The following FBXL19 variants were observed in gnomAD, a reference collection of about 807,000 sequenced individuals.
FBXL19 encodes F-box and leucine rich repeat protein 19.
A neutral mutation model predicts 71.2 loss-of-function variants in FBXL19; 16 were observed. That is an observed-to-expected ratio of 0.22 (90% CI 0.15 to 0.34). The LOEUF (loss-of-function observed/expected upper bound fraction) is 0.34, where lower values mean the gene tolerates loss of function less well. Among genes scored for constraint, FBXL19 ranks in the 10% least tolerant of loss-of-function variants. FBXL19 has a pLI of 1.00. For synonymous variants in FBXL19, 447 were observed against 409.4 expected, an observed-to-expected ratio of 1.09 and a Z score of -1.11; for missense variants, 658 against 968.2, an observed-to-expected ratio of 0.68 and a Z score of 4.25.
Position 30,942,067 on chromosome 16 carries a change from T to TGCTGAGA in FBXL19, c.1302-42_1302-36dup, listed in dbSNP as rs2055808074. On this transcript the variant is annotated intron_variant, in intron 7 of 10. Transcript: ENST00000338343. This position sits in a 1 kb window ranked among gnomAD's most constrained non-coding sequence, Gnocchi z 5.7. ...GCTGGGGAGCCTGGGAACTGTGGGC[T>TGCTGAGA]GCTGAGAGCTGAGGGCTGAGGTCTC... The TGCTGAGA allele has an allele frequency of 2.0e-6, 3 of 1,476,130 alleles. No individual in the cohort carries two copies. The highest frequency in any genetic ancestry group is 2.5e-5 in the Admixed American group (1 of 40,506). 91.4% of individuals were successfully genotyped at this position (1,476,130 alleles called of 1,614,324 possible). A position where few individuals can be genotyped will look rare whatever the true frequency, so the allele number is the denominator to read the frequency against.
chr16:30,941,976 A>T, intron 7 of FBXL19, 140 bp from the exon 8 acceptor site: 1 of 887,838 alleles, frequency 1.1e-6, no homozygotes, highest in African/African-American at 1.7e-5. Context: ...CTCTTGGCTG[A>T]GGTCAGGTGC....
At position 30,942,888 on chromosome 16, in the gene FBXL19, C is replaced by G. The variant is rs959938738; in HGVS notation, c.1627+352C>G. On this transcript the variant is annotated intron_variant, in intron 9 of 10. Transcript: ENST00000338343. This position sits in a 1 kb window ranked among gnomAD's most constrained non-coding sequence, Gnocchi z 5.7. ...GGCCTGGGTATAAATGCCACTTCCTCCAAGAAGCTCTCCCTGATCCCACCC... is the reference window on the plus strand; with the variant it reads ...GGCCTGGGTATAAATGCCACTTCCTGCAAGAAGCTCTCCCTGATCCCACCC... Among the ~76,000 whole-genome samples, 6 of 152,198 alleles carry G rather than the reference C, an allele frequency of 3.9e-5. No individual in the cohort carries two copies. The highest frequency in any genetic ancestry group is 1.4e-4 in the African/African-American group (6 of 41,442).
Position 30,930,404 on chromosome 16 carries a change from C to T in FBXL19, c.1121C>T (p.Pro374Leu). The T allele has an allele frequency of 6.5e-7, 1 of 1,529,136 alleles. No homozygotes were observed. Among genetic ancestry groups the T allele is most frequent in the Non-Finnish European group, 8.7e-7 (1 of 1,143,122 alleles). The allele number at this position is 1,529,136 out of a possible 1,614,324, so 94.7% of individuals were successfully genotyped here. Residue 374 changes from proline (P) to leucine (L), a missense_variant, in exon 7 of 11, where the codon CCT becomes CTT. This residue lies in a region of FBXL19 where 447 missense variants were observed against 515.4 expected (regional missense o/e 0.87). Coordinates refer to ENST00000338343, the MANE Select transcript of FBXL19 (RefSeq NM_001382779.1). This position sits in a 1 kb window ranked among gnomAD's most constrained non-coding sequence, Gnocchi z 8.5. ...CTGGGCCCAGCCCCACCACCCCGGC[C>T]TCCACAGCTGGAGCGGCACGTGGTG... Reference protein sequence around the residue: ...WPLGPAPPPRPPQLERHVVRP... With the variant: ...WPLGPAPPPRLPQLERHVVRP...
chr16:30,941,919 A>G (rs1258254729), intron 7 of FBXL19, among the ~76,000 whole-genome samples, 197 bp from the exon 8 acceptor site: 1 of 152,196 alleles, frequency 6.6e-6, no homozygotes, highest in Non-Finnish European at 1.5e-5. Flanking sequence ...AGACTTGCCC[A>G]GGGTCTCATT....
chr16:30,941,830 G>A (rs2055805218), intron 7 of FBXL19, among the ~76,000 whole-genome samples: 1 of 152,252 alleles, frequency 6.6e-6, no homozygotes, highest in South Asian at 2.1e-4. Flanking sequence ...TGACCTGACA[G>A]CTGCCCTGTG....
intron 7 of FBXL19, among the ~76,000 whole-genome samples, chr16:30,936,357 A>G (rs2055732244): frequency 6.6e-6 from 1 of 151,676 alleles, no homozygotes; most frequent in East Asian, 1.9e-4. Flanking sequence ...CAGACGGGCT[A>G]GGTGGAACCC....
chr16:30,928,616 C>G lies in FBXL19; in HGVS notation c.777C>G (p.Pro259=). The change falls in exon 6 of 11, where the codon CCC becomes CCG. Residue 259 remains proline, a synonymous_variant. Coordinates refer to ENST00000338343, the MANE Select transcript of FBXL19 (RefSeq NM_001382779.1). ...CATCCTGCCACCCTGGGCTCCCTCC[C>G]GAGAACTGGGAGGTGTGCCGGGGAC... ...AFSSCHPGLP[P]ENWEKPKPPL... The G allele has an allele frequency of 1.3e-6, 2 of 1,587,194 alleles. No homozygotes were observed. The highest frequency in any genetic ancestry group is 8.6e-7 in the Non-Finnish European group (1 of 1,167,874).
rs769371795 is a variant in FBXL19, at chr16:30,925,978, C to G, written c.177+47C>G. 2 of 1,437,106 alleles carry G rather than the reference C, an allele frequency of 1.4e-6. No individual in the cohort carries two copies. Among genetic ancestry groups the G allele is most frequent in the South Asian group, 1.5e-5 (1 of 65,058 alleles). 89.0% of individuals were successfully genotyped at this position (1,437,106 alleles called of 1,614,324 possible). A position where few individuals can be genotyped will look rare whatever the true frequency, so the allele number is the denominator to read the frequency against. The stretch of plus-strand genomic sequence containing the variant: ...GGGCTCTGCCCACCCTTCCCAATAC[C>G]TTCTTGGAATGGCTGGTGACTGCCT... On this transcript the variant is annotated intron_variant, in intron 2 of 10. Coordinates refer to ENST00000338343, the MANE Select transcript of FBXL19 (RefSeq NM_001382779.1). The surrounding 1 kb of genome is among the most constrained non-coding windows in gnomAD (Gnocchi z 5.0).
chr16:30,947,813 C>A lies in FBXL19; in HGVS notation c.*583C>A. On this transcript the variant is annotated 3_prime_UTR_variant, in exon 11 of 11. Coordinates refer to ENST00000338343, the MANE Select transcript of FBXL19 (RefSeq NM_001382779.1). Reference sequence around the variant, plus strand: ...GCAGGTGTGGGGACAGCAATACCCCCTTGGGGGTCACCTCTCTGCTTCCCC... The same window carrying A: ...GCAGGTGTGGGGACAGCAATACCCCATTGGGGGTCACCTCTCTGCTTCCCC... The A allele has an allele frequency of 2.2e-6, 1 of 445,028 alleles. No homozygotes were observed. Among genetic ancestry groups the A allele is most frequent in the Admixed American group, 2.5e-5 (1 of 40,678 alleles). The allele number at this position is 445,028 out of a possible 1,614,324, so 27.6% of individuals were successfully genotyped here.
Position 30,928,612 on chromosome 16 carries a change from C to A in FBXL19, c.773C>A (p.Pro258His). 6.3e-7 allele frequency: 1 copy of A among 1,588,238 alleles called. No individual in the cohort carries two copies. The highest frequency in any genetic ancestry group is 8.6e-7 in the Non-Finnish European group (1 of 1,168,436). The change falls in exon 6 of 11, where the codon CCT becomes CAT. Residue 258 changes from proline (P) to histidine (H), a missense_variant. Coordinates refer to ENST00000338343, the MANE Select transcript of FBXL19 (RefSeq NM_001382779.1). Reference protein sequence around the residue: ...QAFSSCHPGLPPENWEKPKPP... With the variant: ...QAFSSCHPGLHPENWEKPKPP... ...TTCTCATCCTGCCACCCTGGGCTCC[C>A]TCCCGAGAACTGGGAGGTGTGCCGG...
intron 4 of FBXL19, 39 bp downstream of exon 4, chr16:30,927,698 G>A (rs1464065846): frequency 6.4e-7 from 1 of 1,558,182 alleles, no homozygotes; most frequent in Non-Finnish European, 8.7e-7. Context: ...GTAGGTGGGT[G>A]TTGGGGAGCT....
rs2055560200 is a variant in FBXL19, at chr16:30,924,083, CG to C, written c.-397del. On this transcript the variant is annotated 5_prime_UTR_variant, in exon 1 of 11. Coordinates refer to ENST00000338343, the MANE Select transcript of FBXL19 (RefSeq NM_001382779.1). ...AAGGGCCAGGGGCGCTGGGGAGAGG[CG>C]GGGCGGGGTGGGGGGAGGGGAGCTG... The C allele has an allele frequency of 4.7e-5, 1 of 21,312 alleles. No homozygotes were observed. The highest frequency in any genetic ancestry group is 1.8e-4 in the African/African-American group (1 of 5,506). 1.3% of individuals were successfully genotyped at this position (21,312 alleles called of 1,614,324 possible).
chr16:30,925,687 G>A lies in FBXL19; in HGVS notation c.-24-44G>A. 6.9e-7 allele frequency: 1 copy of A among 1,459,376 alleles called. No homozygotes were observed. Among genetic ancestry groups the A allele is most frequent in the Non-Finnish European group, 9.0e-7 (1 of 1,114,912 alleles). 90.4% of individuals were successfully genotyped at this position (1,459,376 alleles called of 1,614,324 possible). A position where few individuals can be genotyped will look rare whatever the true frequency, so the allele number is the denominator to read the frequency against. On this transcript the variant is annotated intron_variant, in intron 1 of 10. Transcript: ENST00000338343. The surrounding 1 kb of genome is among the most constrained non-coding windows in gnomAD (Gnocchi z 5.0). Reference sequence around the variant, plus strand: ...GACCTGTCAGGGGTCTCCCAGGCCAGGGCCCCAGTGGGCCCATCTGACCCT... The same window carrying A: ...GACCTGTCAGGGGTCTCCCAGGCCAAGGCCCCAGTGGGCCCATCTGACCCT...
Position 30,930,157 on chromosome 16 carries a change from C to T in FBXL19, c.874C>T (p.Arg292Trp), listed in dbSNP as rs987106518. The change falls in exon 7 of 11, where the codon CGG becomes TGG. Residue 292 changes from arginine to tryptophan, a missense_variant. Around this residue, in one of 8 missense-constraint regions of FBXL19, gnomAD observed 447 missense variants for 515.4 expected, o/e 0.87. Transcript: ENST00000338343. The surrounding 1 kb of genome is among the most constrained non-coding windows in gnomAD (Gnocchi z 8.5). Reference protein sequence around the residue: ...PQREKLERFKRMCQLLERVPD... With the variant: ...PQREKLERFKWMCQLLERVPD... ...GAGGGAGAAGCTAGAGCGTTTCAAG[C>T]GGATGTGCCAGCTGCTGGAACGGGT... The T allele has an allele frequency of 2.5e-6, 4 of 1,613,350 alleles. No homozygotes were observed. The highest frequency in any genetic ancestry group is 2.7e-5 in the African/African-American group (2 of 74,954).
rs2055855955 is a variant in FBXL19 at position 30,946,094 on chromosome 16, C to T, written c.1628-636C>T. ...AAGTATCGTGCCTGCGTCTGCTCAGCTTCTGGGGAAGCCTCACGTAGCTTT... is the reference window on the plus strand; with the variant it reads ...AAGTATCGTGCCTGCGTCTGCTCAGTTTCTGGGGAAGCCTCACGTAGCTTT... On this transcript the variant is annotated intron_variant, in intron 9 of 10. Coordinates refer to ENST00000338343, the MANE Select transcript of FBXL19 (RefSeq NM_001382779.1). This position sits in a 1 kb window ranked among gnomAD's most constrained non-coding sequence, Gnocchi z 6.7. Among the ~76,000 whole-genome samples, 1 of 152,126 alleles carries T rather than the reference C, an allele frequency of 6.6e-6. No individual in the cohort carries two copies. Among genetic ancestry groups the T allele is most frequent in the South Asian group, 2.1e-4 (1 of 4,822 alleles).
chr16:30,935,444 G>A (rs530881189), intron 7 of FBXL19, among the ~76,000 whole-genome samples: 2 of 151,720 alleles, frequency 1.3e-5, no homozygotes, highest in African/African-American at 2.4e-5. Flanking sequence ...CCTTAAGAGT[G>A]AAGAGTGAAG....
chr16:30,939,831 T>C (rs1318336523), intron 7 of FBXL19, among the ~76,000 whole-genome samples: 8 of 152,082 alleles, frequency 5.3e-5, no homozygotes, highest in Admixed American at 5.2e-4. Context: ...CCAGGGCTTC[T>C]ACAAGGAAAA....
Position 30,930,045 on chromosome 16 carries a change from G to A in FBXL19, c.790-28G>A, listed in dbSNP as rs1184437686. 3 of 1,598,250 alleles carry A rather than the reference G, an allele frequency of 1.9e-6. No individual in the cohort carries two copies. Among genetic ancestry groups the A allele is most frequent in the Non-Finnish European group, 2.6e-6 (3 of 1,170,620 alleles). ...GTGGGAAAATGTATCCCAGGCCCTA[G>A]AACAGCATCAACCCTGTCTCCCTGC... On this transcript the variant is annotated intron_variant, in intron 6 of 10. Coordinates refer to ENST00000338343, the MANE Select transcript of FBXL19 (RefSeq NM_001382779.1). The surrounding 1 kb of genome is among the most constrained non-coding windows in gnomAD (Gnocchi z 8.5).
Position 30,936,612 on chromosome 16 carries a change from T to G in FBXL19, c.1302-5504T>G, listed in dbSNP as rs528996319. On this transcript the variant is annotated intron_variant, in intron 7 of 10. Transcript: ENST00000338343. ...GGCTAATTTTTTTTCTTTTTTTTTT[T>G]TTTTTTTTGTTTTTTAGTAGAGACG... Among the ~76,000 whole-genome samples, 6 of 146,946 alleles carry G rather than the reference T, an allele frequency of 4.1e-5. No individual in the cohort carries two copies. The East Asian group carries it at 5.9e-4, about 14-fold the overall frequency.
Sources: gnomAD v4.1 joint callset for allele counts (sites outside exome capture counted in the v4.1 genomes callset) on GRCh38, gnomAD v4.1.1 for gene constraint, gnomAD v4.1.1 regional missense constraint, Gnocchi (gnomAD v3.1) non-coding constraint, MANE v1.5 for transcripts, NCBI Gene and HGNC (gene_info 2026-07-23, HGNC 2026-07-21) for gene names.